SLC25A21: variants seen among roughly 807,000 people sequenced by gnomAD.
SLC25A21 encodes the protein solute carrier family 25 member 21, also known as mitochondrial 2-oxodicarboxylate carrier.
Under a neutral mutation model 43.8 loss-of-function variants are expected in SLC25A21, and 47 were observed. That is an observed-to-expected ratio of 1.07 (90% CI 0.85 to 1.37). The LOEUF is 1.37. Ranked by LOEUF, SLC25A21 falls within the 40% of genes most tolerant of loss-of-function variation. The pLI, the probability that SLC25A21 is intolerant of heterozygous loss-of-function variation, is 0.00. For synonymous variants in SLC25A21, 131 were observed against 121.3 expected (o/e 1.08, Z -0.52); for missense variants, 352 against 350.2 (o/e 1.00, Z -0.04).
At chr14:37,081,916 T>C (rs922668377) in intron 1 of SLC25A21, among the ~76,000 whole-genome samples, 1 of 152,166 alleles carries the variant, frequency 6.6e-6, no homozygotes, top group African/African-American at 2.4e-5. Context: ...CTATAATAAA[T>C]GTAGCAAATC....
rs779314711 is a variant in SLC25A21, at chr14:36,711,336, G to A, written c.585C>T (p.Asn195=). Residue 195 remains asparagine (N), a synonymous_variant, in exon 7 of 10, where the codon AAC becomes AAT. Transcript: ENST00000331299. ...VYFGFYYNVK[N]MIPVNKDPIL... The stretch of plus-strand genomic sequence containing the variant: ...TAGTTACCTTATTGACAGGAATCAT[G>A]TTTTTGACATTGTAGTAGAAGCCAA... The A allele has an allele frequency of 1.2e-6, 2 of 1,613,878 alleles. No individual in the cohort carries two copies. The highest frequency in any genetic ancestry group is 1.7e-6 in the Non-Finnish European group (2 of 1,179,934).
chr14:36,779,487 TAATAAACATATTCCTATATATATAAG>T (rs1392409016), intron 3 of SLC25A21, among the ~76,000 whole-genome samples: 7 of 144,180 alleles, frequency 4.9e-5, no homozygotes, highest in South Asian at 2.2e-4. Flanking sequence ...ATATATATAA[TAATAAACATATTCCTATATATATAAG>T]AATAAACATA....
intron 1 of SLC25A21, among the ~76,000 whole-genome samples, chr14:36,906,993 C>T (rs911313117): frequency 1.3e-5 from 2 of 152,090 alleles, no homozygotes; most frequent in Non-Finnish European, 2.9e-5. Flanking sequence ...CATACCATGC[C>T]CTCTATGGAG....
intron 1 of SLC25A21, among the ~76,000 whole-genome samples, chr14:37,042,647 T>A (rs1025518962): frequency 6.6e-6 from 1 of 152,224 alleles, no homozygotes; most frequent in African/African-American, 2.4e-5. Context: ...ATTACAAGAT[T>A]CATCAACATA....
chr14:37,091,403 C>A (rs1370982669), intron 1 of SLC25A21, among the ~76,000 whole-genome samples: 1 of 150,462 alleles, frequency 6.6e-6, no homozygotes, highest in East Asian at 1.9e-4. Context: ...CACTGCGCTC[C>A]AGCCCAGGTG....
chr14:36,951,618 T>C (rs1248717130), intron 1 of SLC25A21, among the ~76,000 whole-genome samples: 1 of 152,212 alleles, frequency 6.6e-6, no homozygotes, highest in African/African-American at 2.4e-5. Flanking sequence ...AGAATTGTTT[T>C]GCAAAAGCAT....
At chr14:36,845,401 A>G (rs1445692150) in intron 2 of SLC25A21, among the ~76,000 whole-genome samples, 1 of 152,254 alleles carries the variant, frequency 6.6e-6, no homozygotes, top group Non-Finnish European at 1.5e-5. Context: ...TGCACAATGC[A>G]CACTTTATAT....
At chr14:36,996,815 CA>C (rs1240337155) in intron 1 of SLC25A21, among the ~76,000 whole-genome samples, 1 of 152,024 alleles carries the variant, frequency 6.6e-6, no homozygotes, top group African/African-American at 2.4e-5. Flanking sequence ...TGTGTTCCAA[CA>C]GGAATGTGGT....
chr14:36,729,643 G>T lies in SLC25A21; in HGVS notation c.271-77C>A. 3 of 1,217,074 alleles carry T rather than the reference G, an allele frequency of 2.5e-6. No homozygotes were observed. The South Asian group carries it at 4.3e-5, about 17-fold the overall frequency. 75.4% of individuals were successfully genotyped at this position (1,217,074 alleles called of 1,614,324 possible). ...CTCTTTAATTGACTCAAATTTCTTTGGTAAATCATTATGTTAACCAGCATT... is the reference window on the plus strand; with the variant it reads ...CTCTTTAATTGACTCAAATTTCTTTTGTAAATCATTATGTTAACCAGCATT... On this transcript the variant is annotated intron_variant, in intron 4 of 9. Coordinates refer to ENST00000331299, the MANE Select transcript of SLC25A21 (RefSeq NM_030631.4).
intron 1 of SLC25A21, among the ~76,000 whole-genome samples, chr14:37,023,303 A>AT (rs1448110200): frequency 1.3e-5 from 2 of 152,010 alleles, no homozygotes; most frequent in Non-Finnish European, 2.9e-5. Context: ...GAAACTTCAG[A>AT]TTAAATTTTT....
At chr14:36,696,554 G>A (rs1312358308) in intron 7 of SLC25A21, among the ~76,000 whole-genome samples, 4 of 152,034 alleles carry the variant, frequency 2.6e-5, no homozygotes, top group Admixed American at 6.6e-5. Flanking sequence ...TTTTTTGGTT[G>A]GTAGGCTATT....
intron 1 of SLC25A21, among the ~76,000 whole-genome samples, chr14:37,056,969 TG>T (rs1329344454): frequency 6.6e-6 from 1 of 152,256 alleles, no homozygotes; most frequent in Admixed American, 6.5e-5. Context: ...GAATTCGATT[TG>T]TTTGGTTTCT....
At chr14:36,708,743 AGTT>A (rs1883690677) in intron 7 of SLC25A21, among the ~76,000 whole-genome samples, 1 of 111,878 alleles carries the variant, frequency 8.9e-6, no homozygotes, top group African/African-American at 3.5e-5. Flanking sequence ...GGCTAACGTT[AGTT>A]TTTTTTTTTT....
chr14:37,128,287 G>GC (rs1292498769), intron 1 of SLC25A21, among the ~76,000 whole-genome samples: 2 of 152,134 alleles, frequency 1.3e-5, no homozygotes, highest in African/African-American at 2.4e-5. Context: ...AACCAGCCCT[G>GC]CCAACACATT....
At chr14:36,729,621 T>C in intron 4 of SLC25A21, 55 bp from the exon 5 acceptor site, 1 of 1,405,852 alleles carries the variant, frequency 7.1e-7, no homozygotes, top group South Asian at 1.3e-5. Flanking sequence ...CAACAAACTC[T>C]TTAATTGACT....
rs143117751 is a variant in SLC25A21, at chr14:36,977,874, T to C, written c.71-102870A>G. Reference sequence around the variant, plus strand: ...ACGTGGAACTTTAGGAATTCCTCTTTGGGATATGCGCTCAGAGATTTTTCT... The same window carrying C: ...ACGTGGAACTTTAGGAATTCCTCTTCGGGATATGCGCTCAGAGATTTTTCT... On this transcript the variant is annotated intron_variant, in intron 1 of 9. Coordinates refer to ENST00000331299, the MANE Select transcript of SLC25A21 (RefSeq NM_030631.4). Among the ~76,000 whole-genome samples, 596 of 152,002 alleles carry C rather than the reference T, an allele frequency of 3.9e-3. 3 individuals carry two copies. The highest frequency in any genetic ancestry group is 0.013 in the African/African-American group (542 of 41,484).
chr14:36,948,693 G>A (rs1892732556), intron 1 of SLC25A21, among the ~76,000 whole-genome samples: 1 of 152,132 alleles, frequency 6.6e-6, no homozygotes, highest in Non-Finnish European at 1.5e-5. Flanking sequence ...TGGCAATTGT[G>A]CACTTGAAAT....
intron 1 of SLC25A21, among the ~76,000 whole-genome samples, chr14:37,070,591 C>T (rs1224944885): frequency 6.6e-6 from 1 of 152,120 alleles, no homozygotes; most frequent in Admixed American, 6.5e-5. Context: ...CCAACTTAAG[C>T]TAATTATTAT....
chr14:36,753,919 CAGAGAGAGAGAGAGAGAGAG>C (rs56871881), intron 3 of SLC25A21, among the ~76,000 whole-genome samples: 2 of 129,990 alleles, frequency 1.5e-5, no homozygotes, highest in South Asian at 3.0e-4. Context: ...TCACTGGGGA[CAGAGAGAGAGAGAGAGAGAG>C]AGAGAGAGAG....
Sources: gnomAD v4.1 joint callset for allele counts (sites outside exome capture counted in the v4.1 genomes callset) on GRCh38, gnomAD v4.1.1 for gene constraint, MANE v1.5 for transcripts, NCBI Gene and HGNC (gene_info 2026-07-23, HGNC 2026-07-21) for gene names.